The following ZNF385D variants were observed in gnomAD, a reference collection of about 807,000 sequenced individuals.
ZNF385D encodes zinc finger protein 659.
In ZNF385D, 15 loss-of-function variants were observed where a neutral mutation model predicts 35.8. That is an observed-to-expected ratio of 0.42 (90% CI 0.28 to 0.64). ZNF385D has a LOEUF of 0.64. Ranked by LOEUF, ZNF385D falls within the 30% of genes least tolerant of loss-of-function variation. ZNF385D has a pLI of 0.23. For missense variants in ZNF385D, 474 were observed against 494.6 expected (o/e 0.96, Z 0.39); for synonymous variants, 212 against 186.8 (o/e 1.13, Z -1.10).
At chr3:22,037,540 C>A (rs1007769551) in intron 3 of ZNF385D, among the ~76,000 whole-genome samples, 3 of 152,130 alleles carry the variant, frequency 2.0e-5, no homozygotes, top group African/African-American at 7.2e-5. Context: ...ATATCCTTCA[C>A]CCACTTTTTG....
At chr3:21,684,827 G>GA (rs1442027224) in intron 1 of ZNF385D, among the ~76,000 whole-genome samples, 2 of 152,036 alleles carry the variant, frequency 1.3e-5, no homozygotes, top group African/African-American at 4.8e-5. Context: ...AGCCTACTTG[G>GA]AAAAAAATTA....
rs191023486 is a variant in ZNF385D at position 21,603,532 on chromosome 3, T to C, written c.166-38848A>G. ...ACATCTGTACAGTTTATATTTTATT[T>C]GTAAAAAAATAATGAGCTAGTTCTC... On this transcript the variant is annotated intron_variant, in intron 2 of 7. Transcript: ENST00000281523. Among the ~76,000 whole-genome samples the C allele has an allele frequency of 1.5e-3, 236 of 152,306 alleles. 1 individual carries two copies. Among genetic ancestry groups the C allele is most frequent in the African/African-American group, 5.3e-3 (219 of 41,552 alleles).
At chr3:21,943,795 G>C (rs2125280606) in intron 3 of ZNF385D, among the ~76,000 whole-genome samples, 1 of 152,270 alleles carries the variant, frequency 6.6e-6, no homozygotes, top group South Asian at 2.1e-4. Context: ...AGTCCTGGCA[G>C]TTTAATGGAA....
chr3:21,496,202 G>A (rs548750573), intron 4 of ZNF385D, among the ~76,000 whole-genome samples: 1 of 150,624 alleles, frequency 6.6e-6, no homozygotes, highest in South Asian at 2.1e-4. Flanking sequence ...CATTCTATGA[G>A]GCCAGCATCA....
rs1412147574 is a variant in ZNF385D, at chr3:22,363,719, G to A, written c.106+8731C>T. On this transcript the variant is annotated intron_variant, in intron 2 of 5. Coordinates refer to the ZNF385D transcript ENST00000494108. ...TGAGTGTGTATTCTTACAGAACATA[G>A]GTTTGAGTACTTCTTTACTTATCTT... Among the ~76,000 whole-genome samples, 3 of 152,096 alleles carry A rather than the reference G, an allele frequency of 2.0e-5. No homozygotes were observed. The East Asian group carries it at 5.8e-4, about 29-fold the overall frequency.
rs35158008 is a variant in ZNF385D, at chr3:22,201,810, CAT to C, written c.107-32777_107-32776del. Among the ~76,000 whole-genome samples, 811 of 150,482 alleles carry C rather than the reference CAT, an allele frequency of 5.4e-3. 11 individuals are homozygous for C. The highest frequency in any genetic ancestry group is 0.017 in the African/African-American group (688 of 40,958). ...AACTGAATGTGTGTGTATATATATA[CAT>C]ATATATATATAAATTTAATACTTTT... On this transcript the variant is annotated intron_variant, in intron 2 of 5. Transcript: ENST00000494108.
chr3:21,424,317 A>T (rs370851091), intron 6 of ZNF385D, among the ~76,000 whole-genome samples: 15,365 of 64,494 alleles, frequency 0.24, 2,860 homozygotes, highest in East Asian at 0.49. Context: ...ATATATATAT[A>T]TTTTTTTTTT....
At chr3:22,329,928 A>T (rs1694857893) in intron 2 of ZNF385D, among the ~76,000 whole-genome samples, 1 of 152,214 alleles carries the variant, frequency 6.6e-6, no homozygotes, top group African/African-American at 2.4e-5. Flanking sequence ...CAGACTAGCT[A>T]CATTTCAAAT....
chr3:21,755,518 A>G (rs1487250327), upstream of ZNF385D, among the ~76,000 whole-genome samples: 2 of 152,316 alleles, frequency 1.3e-5, no homozygotes, highest in South Asian at 2.1e-4. Context: ...AGCAATCTGT[A>G]ATCAATCTTT....
At chr3:21,691,342 G>A (rs543803551) in intron 1 of ZNF385D, among the ~76,000 whole-genome samples, 1 of 151,964 alleles carries the variant, frequency 6.6e-6, no homozygotes, top group Non-Finnish European at 1.5e-5. Context: ...TTCTTCCCCA[G>A]TCTACTTCCT....
chr3:21,481,307 A>T (rs2125377280), intron 4 of ZNF385D, among the ~76,000 whole-genome samples: 1 of 152,310 alleles, frequency 6.6e-6, no homozygotes, highest in East Asian at 1.9e-4. Flanking sequence ...GCAGATATTG[A>T]AACTGCATTG....
intron 2 of ZNF385D, among the ~76,000 whole-genome samples, chr3:22,237,675 G>A (rs575603921): frequency 6.5e-4 from 99 of 152,110 alleles, no homozygotes; most frequent in African/African-American, 2.1e-3. Context: ...ATGGGGTCTC[G>A]CTCTGTCACC....
At chr3:22,246,851 C>A (rs1699810675) in intron 2 of ZNF385D, among the ~76,000 whole-genome samples, 1 of 152,130 alleles carries the variant, frequency 6.6e-6, no homozygotes, top group Non-Finnish European at 1.5e-5. Context: ...AATTCTGATT[C>A]TAATTACCAA....
chr3:21,424,293 A>T (rs1700888100), intron 6 of ZNF385D, among the ~76,000 whole-genome samples: 1 of 82,274 alleles, frequency 1.2e-5, no homozygotes, highest in African/African-American at 4.8e-5. Flanking sequence ...ATACTTATAT[A>T]TATATATTTA....
At chr3:21,725,405 G>A (rs555291211) in intron 1 of ZNF385D, among the ~76,000 whole-genome samples, 37 of 151,892 alleles carry the variant, frequency 2.4e-4, no homozygotes, top group African/African-American at 8.0e-4. Flanking sequence ...CTGTTTTTTC[G>A]AAAAGATCAA....
intron 2 of ZNF385D, among the ~76,000 whole-genome samples, chr3:22,287,651 C>A (rs1164397558): frequency 6.6e-6 from 1 of 151,872 alleles, no homozygotes; most frequent in Non-Finnish European, 1.5e-5. Context: ...CTACCCATAA[C>A]CCCCAGCATT....
intron 3 of ZNF385D, among the ~76,000 whole-genome samples, chr3:22,099,284 C>T (rs1701800232): frequency 6.6e-6 from 1 of 152,030 alleles, no homozygotes; most frequent in African/African-American, 2.4e-5. Context: ...TATGTACATA[C>T]ACTGTGAAAG....
rs1366882511 is a variant in ZNF385D at position 21,988,215 on chromosome 3, A to G, written c.325+180602T>C. Among the ~76,000 whole-genome samples, 252 of 127,826 alleles carry G rather than the reference A, an allele frequency of 2.0e-3. 11 individuals carry two copies. Among genetic ancestry groups the G allele is most frequent in the South Asian group, 4.3e-3 (13 of 3,058 alleles). 83.9% of individuals were successfully genotyped at this position (127,826 alleles called of 152,430 possible). On this transcript the variant is annotated intron_variant, in intron 3 of 5. Transcript: ENST00000494108. ...AGCTTTGTTCCGTTGCTGGTGAGGA[A>G]CTGCGTTCCTTTGGAGGAGGAGAGG...
At chr3:22,028,024 C>G (rs1159268770) in intron 3 of ZNF385D, among the ~76,000 whole-genome samples, 2 of 152,108 alleles carry the variant, frequency 1.3e-5, no homozygotes, top group Non-Finnish European at 2.9e-5. Context: ...CCTGGTTGCT[C>G]ACTCTGCATG....
Sources: allele counts gnomAD v4.1 joint callset (sites outside exome capture counted in the v4.1 genomes callset), GRCh38; gene constraint gnomAD v4.1.1; transcripts MANE v1.5; gene names NCBI Gene and HGNC (gene_info 2026-07-23, HGNC 2026-07-21).